The following GRM7 variants were observed in gnomAD, a reference collection of about 807,000 sequenced individuals.
GRM7 encodes the protein metabotropic glutamate receptor 7.
A neutral mutation model predicts 84.5 loss-of-function variants in GRM7; 35 were observed. The observed-to-expected ratio is 0.41, with a 90% CI of 0.32 to 0.55. The LOEUF is 0.55. Among genes scored for constraint, GRM7 ranks in the 20% least tolerant of loss-of-function variants. GRM7 has a pLI of 0.19. For missense variants in GRM7, 1,003 were observed against 1,194.6 expected, an observed-to-expected ratio of 0.84 and a Z score of 2.36; for synonymous variants, 487 against 455.1, an observed-to-expected ratio of 1.07 and a Z score of -0.89.
At chr3:7,338,100 A>G (rs967602528) in intron 4 of GRM7, among the ~76,000 whole-genome samples, 16 of 138,182 alleles carry the variant, frequency 1.2e-4, no homozygotes, top group Non-Finnish European at 2.3e-4. Context: ...TATATCATCT[A>G]CATATATATT....
At chr3:7,165,350 C>T (rs1450983211) in intron 2 of GRM7, among the ~76,000 whole-genome samples, 2 of 152,052 alleles carry the variant, frequency 1.3e-5, no homozygotes, top group Non-Finnish European at 2.9e-5. Context: ...GTGTATGATA[C>T]AGGGAGAAAA....
intron 1 of GRM7, among the ~76,000 whole-genome samples, chr3:7,099,756 T>A (rs1421068701): frequency 1.2e-5 from 1 of 80,202 alleles, no homozygotes; most frequent in Non-Finnish European, 2.0e-5. Flanking sequence ...CATGTGCACA[T>A]ACATGTATAT....
In GRM7 at chr3:7,637,405, G is replaced by C. The variant is rs568297555; in HGVS notation, c.2452-42644G>C. On this transcript the variant is annotated intron_variant, in intron 8 of 9. Transcript: ENST00000357716. The stretch of plus-strand genomic sequence containing the variant: ...TGAATCACGTCAAGCCAGCCATTGA[G>C]TCAAAGGAACAAATGATGTTTTTGT... 4.6e-5 allele frequency among the ~76,000 whole-genome samples: 7 copies of C among 152,328 alleles called. No individual in the cohort carries two copies. The East Asian group carries it at 1.3e-3, about 29-fold the overall frequency.
intron 2 of GRM7, among the ~76,000 whole-genome samples, chr3:7,296,091 T>C (rs973123642): frequency 2.0e-5 from 3 of 151,910 alleles, no homozygotes; most frequent in South Asian, 2.1e-4. Flanking sequence ...ATCATAAATA[T>C]ATATATATAG....
chr3:7,139,403 T>G (rs2125061019), intron 1 of GRM7, among the ~76,000 whole-genome samples: 1 of 151,972 alleles, frequency 6.6e-6, no homozygotes, highest in South Asian at 2.1e-4. Context: ...TAGTTTTAAT[T>G]ACTGCTTAAA....
chr3:7,707,361 C>T (rs1186467001), intron 9 of GRM7, among the ~76,000 whole-genome samples: 1 of 152,088 alleles, frequency 6.6e-6, no homozygotes, highest in Non-Finnish European at 1.5e-5. Context: ...GTTAATGGGC[C>T]AGATTCTAAG....
chr3:7,499,976 G>A (rs1013806306), intron 7 of GRM7, among the ~76,000 whole-genome samples: 10 of 151,998 alleles, frequency 6.6e-5, no homozygotes, highest in Non-Finnish European at 1.3e-4. Flanking sequence ...GGGTTTCACC[G>A]TGTTAGCCAG....
chr3:7,518,586 A>T (rs1433247954), intron 7 of GRM7, among the ~76,000 whole-genome samples: 1 of 152,170 alleles, frequency 6.6e-6, no homozygotes, highest in Admixed American at 6.5e-5. Context: ...AAAACCCTCT[A>T]AACTGGCTGG....
chr3:6,985,110 T>C (rs564225993), intron 1 of GRM7, among the ~76,000 whole-genome samples: 2 of 152,274 alleles, frequency 1.3e-5, no homozygotes, highest in East Asian at 1.9e-4. Flanking sequence ...AGTAGACATA[T>C]ATACTTATGA....
chr3:6,940,761 T>C (rs141245204), intron 1 of GRM7, among the ~76,000 whole-genome samples: 5 of 152,340 alleles, frequency 3.3e-5, no homozygotes, highest in South Asian at 2.1e-4. Flanking sequence ...ATTTTCTATG[T>C]AGCTTGGACA....
intron 1 of GRM7, among the ~76,000 whole-genome samples, chr3:6,869,654 GGA>G (rs1294877486): frequency 4.0e-5 from 6 of 149,820 alleles, no homozygotes; most frequent in African/African-American, 7.4e-5. Flanking sequence ...ACAGATAGAA[GGA>G]GAGAGAGAGT....
At chr3:7,265,927 G>A (rs1455494657) in intron 2 of GRM7, among the ~76,000 whole-genome samples, 3 of 152,098 alleles carry the variant, frequency 2.0e-5, no homozygotes, top group Non-Finnish European at 2.9e-5. Context: ...GGGGTTACAC[G>A]GAAGGGTACC....
In GRM7 at chr3:7,160,715, T is replaced by G. The variant is rs550077084; in HGVS notation, c.736+14047T>G. ...ATTAGTTCAAGTTAAAAAGAACCTATTGGAGGTAAACTGGGAGAGCAAGTA... is the reference window on the plus strand; with the variant it reads ...ATTAGTTCAAGTTAAAAAGAACCTAGTGGAGGTAAACTGGGAGAGCAAGTA... On this transcript the variant is annotated intron_variant, in intron 2 of 9. Transcript: ENST00000357716. Among the ~76,000 whole-genome samples, 3 of 152,240 alleles carry G rather than the reference T, an allele frequency of 2.0e-5. No individual in the cohort carries two copies. In the South Asian group the frequency reaches 6.2e-4, roughly 32 times the overall value.
At chr3:7,326,055 G>A (rs1192424206) in intron 4 of GRM7, among the ~76,000 whole-genome samples, 1 of 78,274 alleles carries the variant, frequency 1.3e-5, no homozygotes, top group African/African-American at 5.7e-5. Context: ...CCCCGCCCCC[G>A]GCCCCAAAGC....
At chr3:6,899,434 G>A (rs1055006002) in intron 1 of GRM7, among the ~76,000 whole-genome samples, 5 of 152,110 alleles carry the variant, frequency 3.3e-5, no homozygotes, top group Non-Finnish European at 7.4e-5. Context: ...AATAGGTTGA[G>A]GATTTTTGGA....
chr3:7,441,592 TAAAG>T (rs1281802355), intron 5 of GRM7, among the ~76,000 whole-genome samples: 5 of 152,184 alleles, frequency 3.3e-5, no homozygotes, highest in African/African-American at 1.2e-4. Flanking sequence ...CAAATTTTCT[TAAAG>T]AGTTTGTATA....
intron 4 of GRM7, among the ~76,000 whole-genome samples, chr3:7,312,925 T>C (rs968787211): frequency 7.9e-6 from 1 of 126,384 alleles, no homozygotes; most frequent in African/African-American, 3.5e-5. Context: ...CCTCCTTTTT[T>C]TTCTTTTTTT....
chr3:6,990,635 C>T (rs1694599070), intron 1 of GRM7, among the ~76,000 whole-genome samples: 1 of 152,200 alleles, frequency 6.6e-6, no homozygotes, highest in South Asian at 2.1e-4. Flanking sequence ...GTCAAACCTG[C>T]TTTTTCATTT....
At chr3:7,232,481 G>A (rs1396407) in intron 2 of GRM7, among the ~76,000 whole-genome samples, 136,933 of 152,140 alleles carry the variant, frequency 0.9, 61,891 homozygotes, top group East Asian at 1. Context: ...GAAGTGGGAG[G>A]AAATGGGCTG....
Sources: gnomAD v4.1 joint callset for allele counts (sites outside exome capture counted in the v4.1 genomes callset) on GRCh38, gnomAD v4.1.1 for gene constraint, MANE v1.5 for transcripts, NCBI Gene and HGNC (gene_info 2026-07-23, HGNC 2026-07-21) for gene names.